The following SLC6A2 variants were observed in gnomAD, a reference collection of about 807,000 sequenced individuals.
The protein encoded by SLC6A2 is solute carrier family 6 member 2.
SLC6A2 carries 26 observed loss-of-function variants against 71.7 expected under a neutral mutation model. That is an observed-to-expected ratio of 0.36 (90% CI 0.27 to 0.50). The LOEUF is 0.50. Among genes scored for constraint, SLC6A2 ranks in the 20% least tolerant of loss-of-function variants. SLC6A2 has a pLI of 0.96. For synonymous variants in SLC6A2, 363 were observed against 337.9 expected (o/e 1.07, Z -0.82); for missense variants, 581 against 803.9 (o/e 0.72, Z 3.35).
At chr16:55,696,817 T>C (rs1390891090) in intron 9 of SLC6A2, among the ~76,000 whole-genome samples, 1 of 152,264 alleles carries the variant, frequency 6.6e-6, no homozygotes, top group Non-Finnish European at 1.5e-5. Context: ...CCCCCGTCTC[T>C]ATAAAAAATT....
intron 4 of SLC6A2, among the ~76,000 whole-genome samples, chr16:55,679,740 C>T (rs1215781258): frequency 6.6e-6 from 1 of 152,130 alleles, no homozygotes; most frequent in Non-Finnish European, 1.5e-5. Flanking sequence ...ATGGATGCAC[C>T]CTATAACTGG....
rs930009858 is a variant in SLC6A2, at chr16:55,702,775, A to G, written c.*429A>G. On this transcript the variant is annotated 3_prime_UTR_variant, in exon 15 of 15. Transcript: ENST00000568943. ...AAAAAAAAAAAACTAAAACTAAAGC[A>G]AAAATCAAACAAAATCTGGCTGAGT... 30 of 1,056,888 alleles carry G rather than the reference A, an allele frequency of 2.8e-5. No individual in the cohort carries two copies. The African/African-American group carries it at 5.1e-4, about 18-fold the overall frequency. The allele number at this position is 1,056,888 out of a possible 1,614,324, so 65.5% of individuals were successfully genotyped here.
At chr16:55,683,790 A>G (rs1387556342) in intron 4 of SLC6A2, among the ~76,000 whole-genome samples, 1 of 152,188 alleles carries the variant, frequency 6.6e-6, no homozygotes, top group African/African-American at 2.4e-5. Context: ...AGCATGATGA[A>G]TGTCCTGAAG....
intron 2 of SLC6A2, among the ~76,000 whole-genome samples, chr16:55,661,581 G>T (rs764826365): frequency 1.3e-5 from 2 of 152,148 alleles, no homozygotes; most frequent in Non-Finnish European, 2.9e-5. Flanking sequence ...CCTGATTTTG[G>T]AAGTAGCAGA....
Position 55,656,302 on chromosome 16 carries a change from G to A in SLC6A2, c.-52+133G>A, listed in dbSNP as rs759782149. 24 of 344,612 alleles carry A rather than the reference G, an allele frequency of 7.0e-5. No individual in the cohort carries two copies. Among genetic ancestry groups the A allele is most frequent in the Non-Finnish European group, 1.2e-4 (22 of 181,414 alleles). The allele number at this position is 344,612 out of a possible 1,614,324, so 21.3% of individuals were successfully genotyped here. A position where few individuals can be genotyped will look rare whatever the true frequency, so the allele number is the denominator to read the frequency against. ...CGAGAAGGCTCCTGTGGCTGTTGAA[G>A]TGTCGCGGACCTGAGCTGGGGAGGG... On this transcript the variant is annotated intron_variant, in intron 1 of 14. Coordinates refer to ENST00000568943, the MANE Select transcript of SLC6A2 (RefSeq NM_001172501.3). This position sits in a 1 kb window ranked among gnomAD's most constrained non-coding sequence, Gnocchi z 4.5.
intron 4 of SLC6A2, among the ~76,000 whole-genome samples, chr16:55,679,990 C>T (rs1411094052): frequency 6.6e-6 from 1 of 152,190 alleles, no homozygotes; most frequent in Non-Finnish European, 1.5e-5. Context: ...GGCCTCTACC[C>T]TCTAGATACC....
intron 2 of SLC6A2, among the ~76,000 whole-genome samples, chr16:55,667,410 TG>T (rs1449713947): frequency 1.3e-5 from 2 of 152,140 alleles, no homozygotes; most frequent in African/African-American, 2.4e-5. Flanking sequence ...CTCTCAGGGG[TG>T]GTTTTAAATA....
intron 5 of SLC6A2, among the ~76,000 whole-genome samples, chr16:55,689,722 C>A (rs541807588): frequency 3.3e-5 from 5 of 152,206 alleles, no homozygotes; most frequent in Admixed American, 1.3e-4. Context: ...CGTGAGGTCA[C>A]CCAGATGCAA....
At chr16:55,700,397 G>T in intron 13 of SLC6A2, 91 bp downstream of exon 13, 1 of 1,160,360 alleles carries the variant, frequency 8.6e-7, no homozygotes. Context: ...TGGGGGAAGG[G>T]ACAGAAGGAC....
intron 9 of SLC6A2, among the ~76,000 whole-genome samples, chr16:55,697,283 C>T (rs1325814127): frequency 2.0e-5 from 3 of 152,164 alleles, no homozygotes; most frequent in African/African-American, 7.2e-5. Context: ...TTAACAGTGT[C>T]TGCCAAGAGG....
chr16:55,700,031 C>G (rs1385551086), intron 12 of SLC6A2, 108 bp from the exon 13 acceptor site: 1 of 888,356 alleles, frequency 1.1e-6, no homozygotes, highest in East Asian at 2.6e-5. Context: ...CTGTGATGCT[C>G]ACTTCTCTTC....
intron 4 of SLC6A2, among the ~76,000 whole-genome samples, chr16:55,680,311 G>T (rs1462005632): frequency 1.3e-5 from 2 of 152,172 alleles, no homozygotes; most frequent in Non-Finnish European, 1.5e-5. Context: ...TCTCTAGAGG[G>T]ACAGACTAAT....
At chr16:55,699,278 G>A (rs1202421926) in intron 11 of SLC6A2, among the ~76,000 whole-genome samples, 2 of 152,210 alleles carry the variant, frequency 1.3e-5, no homozygotes, top group African/African-American at 4.8e-5. Context: ...AGGCCAACTG[G>A]CTCTGGAATT....
At chr16:55,687,237 A>T (rs42313) in intron 5 of SLC6A2, among the ~76,000 whole-genome samples, 62,853 of 151,712 alleles carry the variant, frequency 0.41, 13,388 homozygotes, top group East Asian at 0.5. Flanking sequence ...ATAATAAGAG[A>T]TCATTGCACA....
chr16:55,686,624 C>T (rs555882114), intron 5 of SLC6A2, among the ~76,000 whole-genome samples: 12 of 152,270 alleles, frequency 7.9e-5, no homozygotes, highest in African/African-American at 2.9e-4. Context: ...CCAGAGTTCT[C>T]TCTGATACTC....
intron 3 of SLC6A2, 31 bp downstream of exon 3, chr16:55,669,727 G>A: frequency 6.2e-7 from 1 of 1,613,546 alleles, no homozygotes; most frequent in Non-Finnish European, 8.5e-7. Flanking sequence ...AGTCACGGTT[G>A]TTCATAAAGG....
chr16:55,691,353 C>T (rs1459663175), intron 5 of SLC6A2, among the ~76,000 whole-genome samples: 1 of 151,058 alleles, frequency 6.6e-6, no homozygotes, highest in African/African-American at 2.4e-5. Context: ...GTGATGGACA[C>T]AGGACTGATG....
intron 4 of SLC6A2, among the ~76,000 whole-genome samples, 170 bp downstream of exon 4, chr16:55,672,345 T>A (rs1964948522): frequency 6.6e-6 from 1 of 152,062 alleles, no homozygotes; most frequent in Non-Finnish European, 1.5e-5. Flanking sequence ...CACGCCACGG[T>A]CGAGGTAGTT....
intron 2 of SLC6A2, among the ~76,000 whole-genome samples, chr16:55,662,913 G>A (rs993662429): frequency 6.6e-6 from 1 of 152,176 alleles, no homozygotes; most frequent in African/African-American, 2.4e-5. Context: ...CATCAGGCAA[G>A]TAATCAAGTC....
Sources: gnomAD v4.1 joint callset for allele counts (sites outside exome capture counted in the v4.1 genomes callset) on GRCh38, gnomAD v4.1.1 for gene constraint, Gnocchi (gnomAD v3.1) non-coding constraint, MANE v1.5 for transcripts, NCBI Gene and HGNC (gene_info 2026-07-23, HGNC 2026-07-21) for gene names.